The following SPAG16 variants were observed in gnomAD, a reference collection of about 807,000 sequenced individuals.
SPAG16 encodes the protein sperm-associated antigen 16 protein.
SPAG16 carries 86 observed loss-of-function variants against 80.4 expected under a neutral mutation model. The observed-to-expected ratio is 1.07, with a 90% CI of 0.90 to 1.28. The LOEUF is 1.28. SPAG16 is among the 50% of genes most tolerant of loss of function. The probability of loss-of-function intolerance (pLI) is 0.00; values close to 1 mark genes in which losing one functional copy is unlikely to be tolerated. For missense variants in SPAG16, 870 were observed against 765.3 expected (o/e 1.14, Z -1.61); for synonymous variants, 294 against 265.9 (o/e 1.11, Z -1.03).
chr2:214,232,070 C>A (rs1688738064), intron 15 of SPAG16, among the ~76,000 whole-genome samples: 1 of 151,798 alleles, frequency 6.6e-6, no homozygotes, highest in Admixed American at 6.6e-5. Context: ...CATTTAATAT[C>A]ACTTAAAAGT....
chr2:213,573,100 G>A (rs991035359), intron 10 of SPAG16, among the ~76,000 whole-genome samples: 4 of 152,116 alleles, frequency 2.6e-5, no homozygotes, highest in Non-Finnish European at 5.9e-5. Context: ...TTTGGCTCAC[G>A]CACGGTGCGC....
intron 10 of SPAG16, among the ~76,000 whole-genome samples, chr2:213,860,386 A>T (rs9711475): frequency 0.33 from 47,815 of 143,354 alleles, 8,620 homozygotes; most frequent in South Asian, 0.47. Flanking sequence ...TATATCTATA[A>T]ATAGACAGAT....
chr2:214,263,628 G>A (rs1691339253), intron 15 of SPAG16, among the ~76,000 whole-genome samples: 1 of 152,072 alleles, frequency 6.6e-6, no homozygotes. Context: ...ACAAACAAAA[G>A]GTAATCCAAG....
chr2:214,359,567 C>T (rs1027660249), intron 15 of SPAG16, among the ~76,000 whole-genome samples: 3 of 151,842 alleles, frequency 2.0e-5, no homozygotes, highest in Non-Finnish European at 4.4e-5. Context: ...TGTATTTCTT[C>T]ATCAATTGCA....
chr2:214,100,811 A>T (rs1300569678), intron 13 of SPAG16, among the ~76,000 whole-genome samples: 1 of 152,024 alleles, frequency 6.6e-6, no homozygotes, highest in African/African-American at 2.4e-5. Context: ...ATTTAGATTG[A>T]TTTCATGTCA....
intron 13 of SPAG16, among the ~76,000 whole-genome samples, chr2:214,030,756 G>A (rs542384148): frequency 2.6e-5 from 4 of 152,248 alleles, no homozygotes; most frequent in African/African-American, 7.2e-5. Context: ...CTAACCTCAC[G>A]TTTATCTGCA....
intron 15 of SPAG16, among the ~76,000 whole-genome samples, chr2:214,195,405 A>T (rs2057802847): frequency 6.6e-6 from 1 of 151,978 alleles, no homozygotes; most frequent in South Asian, 2.1e-4. Flanking sequence ...TTTTACAAAG[A>T]TTACTCTAAC....
intron 15 of SPAG16, among the ~76,000 whole-genome samples, chr2:214,220,704 C>T (rs1230107114): frequency 6.6e-6 from 1 of 152,026 alleles, no homozygotes. Flanking sequence ...TCAGGTAGTG[C>T]CAGGAAATAA....
chr2:213,825,595 T>A (rs1439137813), intron 10 of SPAG16, among the ~76,000 whole-genome samples: 1 of 152,036 alleles, frequency 6.6e-6, no homozygotes, highest in African/African-American at 2.4e-5. Context: ...TGATGAGTCA[T>A]CTTTGTAATG....
intron 13 of SPAG16, among the ~76,000 whole-genome samples, chr2:214,048,036 A>G (rs1305935904): frequency 6.6e-6 from 1 of 152,208 alleles, no homozygotes; most frequent in Non-Finnish European, 1.5e-5. Context: ...AAGTCAGGTA[A>G]TAACAAACAC....
intron 13 of SPAG16, among the ~76,000 whole-genome samples, chr2:214,026,814 C>A (rs780868542): frequency 4.6e-5 from 7 of 151,440 alleles, no homozygotes; most frequent in Non-Finnish European, 8.9e-5. Flanking sequence ...AGCCCTTAAA[C>A]AGACTCTTAA....
intron 9 of SPAG16, among the ~76,000 whole-genome samples, chr2:213,389,167 A>G (rs2067606298): frequency 6.6e-6 from 1 of 152,174 alleles, no homozygotes; most frequent in South Asian, 2.1e-4. Flanking sequence ...TCAATGGGGA[A>G]AGACAGTCTT....
At chr2:213,784,444 A>T (rs1370670448) in intron 10 of SPAG16, among the ~76,000 whole-genome samples, 3 of 148,412 alleles carry the variant, frequency 2.0e-5, no homozygotes, top group African/African-American at 4.9e-5. Context: ...TGTGTAGTTT[A>T]TCAGTAAAAC....
intron 9 of SPAG16, among the ~76,000 whole-genome samples, chr2:213,453,671 G>C: frequency 6.6e-6 from 1 of 152,284 alleles, no homozygotes; most frequent in East Asian, 1.9e-4. Context: ...ATGAAGCCCA[G>C]TTTCTGTACT....
chr2:213,600,742 T>C lies in SPAG16; in HGVS notation c.1070+110652T>C, dbSNP rs1257120654. 2.6e-5 allele frequency among the ~76,000 whole-genome samples: 4 copies of C among 152,236 alleles called. No homozygotes were observed. In the East Asian group the frequency reaches 5.8e-4, roughly 22 times the overall value. On this transcript the variant is annotated intron_variant, in intron 10 of 15. Coordinates refer to ENST00000331683, the MANE Select transcript of SPAG16 (RefSeq NM_024532.5). Reference sequence around the variant, plus strand: ...ATGCATATTCCTTGGACTCCAATTATTGAATTTTTACCCGAGAGAAATTTT... The same window carrying C: ...ATGCATATTCCTTGGACTCCAATTACTGAATTTTTACCCGAGAGAAATTTT...
intron 9 of SPAG16, among the ~76,000 whole-genome samples, chr2:213,407,440 A>AGGTGAGACATCCCTAGTGTTGAG (rs2068674888): frequency 6.6e-6 from 1 of 152,074 alleles, no homozygotes; most frequent in Non-Finnish European, 1.5e-5. Context: ...GGGACAGGCA[A>AGGTGAGACATCCCTAGTGTTGAG]GGTGAGACAT....
intron 10 of SPAG16, among the ~76,000 whole-genome samples, chr2:213,731,844 C>A (rs1443766071): frequency 6.6e-6 from 1 of 152,146 alleles, no homozygotes; most frequent in Non-Finnish European, 1.5e-5. Context: ...ACTACATTTT[C>A]TTTATCCACT....
intron 15 of SPAG16, among the ~76,000 whole-genome samples, chr2:214,159,518 T>G (rs1223252864): frequency 6.6e-6 from 1 of 151,910 alleles, no homozygotes; most frequent in Non-Finnish European, 1.5e-5. Context: ...GATGTGCAAA[T>G]CAACCCAGAA....
At chr2:214,241,982 A>G (rs1326711151) in intron 15 of SPAG16, among the ~76,000 whole-genome samples, 1 of 152,208 alleles carries the variant, frequency 6.6e-6, no homozygotes, top group Non-Finnish European at 1.5e-5. Flanking sequence ...ATTGTCTGGT[A>G]TAGCTTAACA....
Sources: allele counts gnomAD v4.1 joint callset (sites outside exome capture counted in the v4.1 genomes callset), GRCh38; gene constraint gnomAD v4.1.1; transcripts MANE v1.5; gene names NCBI Gene and HGNC (gene_info 2026-07-23, HGNC 2026-07-21).